The following RRP7A variants were observed in gnomAD, a reference collection of about 807,000 sequenced individuals.
RRP7A encodes the protein ribosomal RNA-processing protein 7 homolog A.
In RRP7A, 27 loss-of-function variants were observed where a neutral mutation model predicts 38.4. The observed-to-expected ratio is 0.70, with a 90% CI of 0.52 to 0.97. The LOEUF is 0.97. Ranked by LOEUF, RRP7A falls within the 50% of genes least tolerant of loss-of-function variation. The pLI is 0.00. For missense variants in RRP7A, 327 were observed against 375.4 expected, an observed-to-expected ratio of 0.87 and a Z score of 1.07; for synonymous variants, 124 against 150.3, an observed-to-expected ratio of 0.83 and a Z score of 1.28.
chr22:42,512,283 C>G lies in RRP7A; in HGVS notation c.*627G>C. 1.3e-6 allele frequency: 2 copies of G among 1,529,140 alleles called. No individual in the cohort carries two copies. The highest frequency in any genetic ancestry group is 1.1e-5 in the South Asian group (1 of 89,034). The allele number at this position is 1,529,140 out of a possible 1,614,324, so 94.7% of individuals were successfully genotyped here. On this transcript the variant is annotated 3_prime_UTR_variant, in exon 7 of 7. Transcript: ENST00000323013. Reference sequence around the variant, plus strand: ...AGACCTAGTGCTCCCAGACTCAACACTGGGACTCTGAGTTCCTGAGCCCCA... The same window carrying G: ...AGACCTAGTGCTCCCAGACTCAACAGTGGGACTCTGAGTTCCTGAGCCCCA...
At position 42,519,787 on chromosome 22, in the gene RRP7A, C is replaced by A; in HGVS notation, c.-1G>T. 18 of 1,435,410 alleles carry A rather than the reference C, an allele frequency of 1.3e-5. No individual in the cohort carries two copies. Among genetic ancestry groups the A allele is most frequent in the Non-Finnish European group, 1.6e-5 (18 of 1,097,280 alleles). The allele number at this position is 1,435,410 out of a possible 1,614,324, so 88.9% of individuals were successfully genotyped here. On this transcript the variant is annotated 5_prime_UTR_variant, in exon 1 of 7. Transcript: ENST00000323013. Reference sequence around the variant, plus strand: ...CGCACTTCCTCCTGCGCGCCACCATCTTGCCACCCGGGAGCGCGGGGGCCG... The same window carrying A: ...CGCACTTCCTCCTGCGCGCCACCATATTGCCACCCGGGAGCGCGGGGGCCG...
chr22:42,510,797 C>T lies in RRP7A; in HGVS notation c.*2113G>A, dbSNP rs1932434534. 8 of 1,343,462 alleles carry T rather than the reference C, an allele frequency of 6.0e-6. No homozygotes were observed. The South Asian group carries it at 1.2e-4, about 20-fold the overall frequency. 83.2% of individuals were successfully genotyped at this position (1,343,462 alleles called of 1,614,324 possible). A position where few individuals can be genotyped will look rare whatever the true frequency, so the allele number is the denominator to read the frequency against. ...TGGTCCCACCTCACCCATCTCTTCT[C>T]ATGCACTGGGAAAGACCCCTGGTCT... On this transcript the variant is annotated 3_prime_UTR_variant, in exon 7 of 7. Coordinates refer to ENST00000323013, the MANE Select transcript of RRP7A (RefSeq NM_015703.5).
At position 42,514,188 on chromosome 22, in the gene RRP7A, C is replaced by G. The variant is rs1920924272; in HGVS notation, c.675G>C (p.Val225=). The change falls in exon 6 of 7, where the codon GTG becomes GTC. Residue 225 remains valine, a synonymous_variant. Coordinates refer to ENST00000323013, the MANE Select transcript of RRP7A (RefSeq NM_015703.5). ...LPRTEAASLR[V]LERERRKRSR... ...TGCGCTTCCGTCTCTCCCTCTCCAG[C>G]ACCCGCAAGCTGGCTGCCTCAGTCC... 1.2e-6 allele frequency: 2 copies of G among 1,612,498 alleles called. No individual in the cohort carries two copies. The highest frequency in any genetic ancestry group is 4.5e-5 in the East Asian group (2 of 44,872).
intron 1 of RRP7A, among the ~76,000 whole-genome samples, chr22:42,519,480 C>A (rs1295694987): frequency 7.9e-5 from 12 of 152,138 alleles, no homozygotes; most frequent in Non-Finnish European, 4.4e-5. Flanking sequence ...CGGGCTCACC[C>A]AAGGGAAGCG....
rs1932415030 is a variant in RRP7A at position 42,510,291 on chromosome 22, TGAAGAC to T, written c.*2613_*2618del. On this transcript the variant is annotated 3_prime_UTR_variant, in exon 7 of 7. Coordinates refer to ENST00000323013, the MANE Select transcript of RRP7A (RefSeq NM_015703.5). ...TTGTAGACTTTCAATGGGAGGATTG[TGAAGAC>T]ATAAATTCTCTCTCAGAGCAAGTGT... The T allele has an allele frequency of 6.4e-6, 1 of 156,314 alleles. No individual in the cohort carries two copies. Among genetic ancestry groups the T allele is most frequent in the Non-Finnish European group, 1.4e-5 (1 of 70,820 alleles). 9.7% of individuals were successfully genotyped at this position (156,314 alleles called of 1,614,324 possible). A position where few individuals can be genotyped will look rare whatever the true frequency, so the allele number is the denominator to read the frequency against.
In RRP7A at chr22:42,512,722, G is replaced by C. The variant is rs1209854389; in HGVS notation, c.*188C>G. On this transcript the variant is annotated 3_prime_UTR_variant, in exon 7 of 7. Transcript: ENST00000323013. ...CGCCTGGGTCCCCAGGACTGCTGAA[G>C]CACAAGACCCGAGGGGTGGCCTGGT... is the stretch of plus-strand genomic sequence containing the variant. 7 of 655,320 alleles carry C rather than the reference G, an allele frequency of 1.1e-5. No homozygotes were observed. The East Asian group carries it at 1.9e-4, about 18-fold the overall frequency. The allele number at this position is 655,320 out of a possible 1,614,324, so 40.6% of individuals were successfully genotyped here.
rs1182029473 is a variant in RRP7A, at chr22:42,512,433, G to C, written c.*477C>G. Reference sequence around the variant, plus strand: ...TGACCTCAAGGGGGAGACAGAGTCTGGGTTCCAGGGCTGCTGTCTCCTGGC... The same window carrying C: ...TGACCTCAAGGGGGAGACAGAGTCTCGGTTCCAGGGCTGCTGTCTCCTGGC... On this transcript the variant is annotated 3_prime_UTR_variant, in exon 7 of 7. Coordinates refer to ENST00000323013, the MANE Select transcript of RRP7A (RefSeq NM_015703.5). The C allele has an allele frequency of 8.1e-6, 5 of 614,662 alleles. No individual in the cohort carries two copies. The highest frequency in any genetic ancestry group is 1.4e-5 in the Non-Finnish European group (5 of 351,336). 38.1% of individuals were successfully genotyped at this position (614,662 alleles called of 1,614,324 possible).
chr22:42,517,503 G>A (rs148503792), intron 2 of RRP7A, among the ~76,000 whole-genome samples: 85 of 152,128 alleles, frequency 5.6e-4, no homozygotes, highest in African/African-American at 1.9e-3. Context: ...AAATGCCTTG[G>A]GCTACTTAGG....
At position 42,514,021 on chromosome 22, in the gene RRP7A, C is replaced by T. The variant is rs1194296229; in HGVS notation, c.757+85G>A. On this transcript the variant is annotated intron_variant, in intron 6 of 6. Transcript: ENST00000323013. Reference sequence around the variant, plus strand: ...CCTCCTCGACCACCAAGTCCAGCGCCCGCCCTCAGGAGCACTGGCCACAGG... The same window carrying T: ...CCTCCTCGACCACCAAGTCCAGCGCTCGCCCTCAGGAGCACTGGCCACAGG... 2.5e-6 allele frequency: 3 copies of T among 1,203,440 alleles called. No individual in the cohort carries two copies. In the African/African-American group the frequency reaches 4.4e-5, roughly 18 times the overall value. 74.5% of individuals were successfully genotyped at this position (1,203,440 alleles called of 1,614,324 possible).
chr22:42,514,043 C>A, intron 6 of RRP7A, 63 bp downstream of exon 6: 1 of 1,490,430 alleles, frequency 6.7e-7, no homozygotes. Flanking sequence ...GCACTGGCCA[C>A]AGGCCTCATC....
chr22:42,517,901 G>A lies in RRP7A; in HGVS notation c.216+104C>T, dbSNP rs1920935101. 4.5e-6 allele frequency: 6 copies of A among 1,334,578 alleles called. No individual in the cohort carries two copies. In the East Asian group the frequency reaches 1.5e-4, roughly 33 times the overall value. The allele number at this position is 1,334,578 out of a possible 1,614,324, so 82.7% of individuals were successfully genotyped here. On this transcript the variant is annotated intron_variant, in intron 2 of 6. Coordinates refer to ENST00000323013, the MANE Select transcript of RRP7A (RefSeq NM_015703.5). ...TAGCCCTCCTGACACTCTCCTCTGGGGCTCCCATTAGCTGTGTCCGTCTCA... is the reference window on the plus strand; with the variant it reads ...TAGCCCTCCTGACACTCTCCTCTGGAGCTCCCATTAGCTGTGTCCGTCTCA...
Position 42,518,119 on chromosome 22 carries a change from T to A in RRP7A, c.102A>T (p.Gln34His). 1 of 1,613,598 alleles carries A rather than the reference T, an allele frequency of 6.2e-7. No homozygotes were observed. The highest frequency in any genetic ancestry group is 8.5e-7 in the Non-Finnish European group (1 of 1,179,800). Residue 34 changes from glutamine to histidine, a missense_variant, in exon 2 of 7, where the codon CAA (glutamine) becomes CAT (histidine). Physicochemically the swap from Gln to His is conservative, Grantham distance 24. Around this residue, in one of 5 missense-constraint regions of RRP7A, gnomAD observed 183 missense variants for 141.8 expected, o/e 1.29. Coordinates refer to ENST00000323013, the MANE Select transcript of RRP7A (RefSeq NM_015703.5). ...TCACATAGAGGTAGTGAGAAGCCTGTTGCTTTTCAGAGAACTTGATTGGAA... is the reference window on the plus strand; with the variant it reads ...TCACATAGAGGTAGTGAGAAGCCTGATGCTTTTCAGAGAACTTGATTGGAA... The part of the protein sequence containing the change: ...AAIPIKFSEK[Q>H]QASHYLYVRA...
chr22:42,509,050 T>G lies in RRP7A; in HGVS notation c.*3860A>C. 1 of 1,609,212 alleles carries G rather than the reference T, an allele frequency of 6.2e-7. No individual in the cohort carries two copies. The highest frequency in any genetic ancestry group is 8.5e-7 in the Non-Finnish European group (1 of 1,175,262). ...CAGGCAGAGAACAGCATTGACTTCGTCAGCAGGGAGCTGTGTGCGCATTCC... is the reference window on the plus strand; with the variant it reads ...CAGGCAGAGAACAGCATTGACTTCGGCAGCAGGGAGCTGTGTGCGCATTCC... On this transcript the variant is annotated 3_prime_UTR_variant, in exon 7 of 7. Coordinates refer to ENST00000323013, the MANE Select transcript of RRP7A (RefSeq NM_015703.5).
rs577236886 is a variant in RRP7A at position 42,519,747 on chromosome 22, C to T, written c.40G>A (p.Glu14Lys). The change falls in exon 1 of 7, where the codon GAG becomes AAG. Residue 14 changes from glutamate to lysine, a missense_variant. Around this residue, in one of 5 missense-constraint regions of RRP7A, gnomAD observed 183 missense variants for 141.8 expected, o/e 1.29. Coordinates refer to ENST00000323013, the MANE Select transcript of RRP7A (RefSeq NM_015703.5). ...RRRKCAARDP[E>K]DRIPSPLGYA... ...CCCAGTGGGCTGGGGATACGGTCCT[C>T]CGGGTCCCGCGCGGCGCACTTCCTC... 1.4e-6 allele frequency: 2 copies of T among 1,456,650 alleles called. No homozygotes were observed. The highest frequency in any genetic ancestry group is 3.0e-5 in the East Asian group (1 of 33,294). 90.2% of individuals were successfully genotyped at this position (1,456,650 alleles called of 1,614,324 possible).
intron 2 of RRP7A, among the ~76,000 whole-genome samples, chr22:42,517,008 T>C (rs1920931678): frequency 1.3e-5 from 2 of 152,106 alleles, no homozygotes; most frequent in African/African-American, 2.4e-5. Context: ...CCAGGGGCGG[T>C]GGCTCACGCA....
rs190454213 is a variant in RRP7A at position 42,509,674 on chromosome 22, A to C, written c.*3236T>G. Among the ~76,000 whole-genome samples, 2,213 of 152,010 alleles carry C rather than the reference A, an allele frequency of 0.015. 38 individuals carry two copies. Among genetic ancestry groups the C allele is most frequent in the Non-Finnish European group, 0.025 (1,672 of 67,950 alleles). ...CCATAAAAAGAAACGAAGCACTGAC[A>C]TGGGCTCCAGCATGGATGAGCCTTG... On this transcript the variant is annotated 3_prime_UTR_variant, in exon 7 of 7. Transcript: ENST00000323013.
At position 42,516,384 on chromosome 22, in the gene RRP7A, C is replaced by G. The variant is rs1247587360; in HGVS notation, c.217-248G>C. On this transcript the variant is annotated intron_variant, in intron 2 of 6. Coordinates refer to ENST00000323013, the MANE Select transcript of RRP7A (RefSeq NM_015703.5). ...ATTGCTCTGTAGCCCAGGCTGGAGT[C>G]CTGCAACCTCCACCTTCGGGTTGCA... 4 of 535,602 alleles carry G rather than the reference C, an allele frequency of 7.5e-6. No individual in the cohort carries two copies. The African/African-American group carries it at 7.6e-5, about 10-fold the overall frequency. 33.2% of individuals were successfully genotyped at this position (535,602 alleles called of 1,614,324 possible).
At chr22:42,517,289 T>A (rs4999910) in intron 2 of RRP7A, among the ~76,000 whole-genome samples, 6 of 131,654 alleles carry the variant, frequency 4.6e-5, no homozygotes, top group African/African-American at 1.2e-4. Flanking sequence ...AATAAATAAA[T>A]TAAATAAATA....
chr22:42,518,370 A>G (rs1345212768), intron 1 of RRP7A, among the ~76,000 whole-genome samples: 7 of 150,600 alleles, frequency 4.6e-5, no homozygotes. Flanking sequence ...GAGAGAGAAG[A>G]TAAATGGGCA....
Sources: gnomAD v4.1 joint callset for allele counts (sites outside exome capture counted in the v4.1 genomes callset) on GRCh38, gnomAD v4.1.1 for gene constraint, gnomAD v4.1.1 regional missense constraint, MANE v1.5 for transcripts, NCBI Gene and HGNC (gene_info 2026-07-23, HGNC 2026-07-21) for gene names.